Variants in DACH1 observed in about 807,000 individuals in gnomAD.
The protein encoded by DACH1 is dachshund family transcription factor 1.
DACH1 carries 12 observed loss-of-function variants against 54.2 expected under a neutral mutation model. The ratio of observed to expected loss-of-function variants is 0.22; its 90% CI spans 0.14 to 0.36. The LOEUF (loss-of-function observed/expected upper bound fraction) is 0.36. Ranked by LOEUF, DACH1 falls within the 10% of genes least tolerant of loss-of-function variation. The pLI, the probability that DACH1 is intolerant of heterozygous loss-of-function variation, is 1.00. For missense variants in DACH1, 805 were observed against 929.8 expected, an observed-to-expected ratio of 0.87 and a Z score of 1.75; for synonymous variants, 386 against 366.2, an observed-to-expected ratio of 1.05 and a Z score of -0.62.
intron 6 of DACH1, among the ~76,000 whole-genome samples, chr13:71,502,896 G>A (rs1293566711): frequency 6.6e-6 from 1 of 152,174 alleles, no homozygotes; most frequent in Non-Finnish European, 1.5e-5. Context: ...TGATAAGCTG[G>A]CATGCAACAT....
chr13:71,579,166 C>G (rs978342850), intron 3 of DACH1, among the ~76,000 whole-genome samples: 2 of 152,002 alleles, frequency 1.3e-5, no homozygotes, highest in Admixed American at 1.3e-4. Flanking sequence ...GAATGCAGAG[C>G]TGTTTTGATA....
At chr13:71,677,832 G>A (rs1880663878) in intron 2 of DACH1, among the ~76,000 whole-genome samples, 2 of 151,998 alleles carry the variant, frequency 1.3e-5, no homozygotes, top group African/African-American at 4.8e-5. Flanking sequence ...CGATTCTCCT[G>A]CCTCAGCATC....
At chr13:71,543,585 T>A (rs1168092533) in intron 6 of DACH1, among the ~76,000 whole-genome samples, 1 of 152,100 alleles carries the variant, frequency 6.6e-6, no homozygotes, top group Non-Finnish European at 1.5e-5. Context: ...ATGGGCCAAG[T>A]ACTTTTCTAA....
chr13:71,848,702 G>C (rs1006793227), intron 1 of DACH1, among the ~76,000 whole-genome samples: 3 of 151,878 alleles, frequency 2.0e-5, no homozygotes, highest in Non-Finnish European at 4.4e-5. Context: ...AAATTTTTTT[G>C]TACAGATGGG....
intron 1 of DACH1, among the ~76,000 whole-genome samples, chr13:71,819,132 T>C (rs1436207310): frequency 1.3e-5 from 2 of 152,160 alleles, no homozygotes; most frequent in Admixed American, 1.3e-4. Context: ...AATTGGAACA[T>C]GGAGCTGAAG....
chr13:71,455,287 T>A (rs1009015607), intron 10 of DACH1, among the ~76,000 whole-genome samples: 3 of 152,106 alleles, frequency 2.0e-5, no homozygotes. Flanking sequence ...CCTCTCCATA[T>A]ATAGAGATAG....
chr13:71,546,015 T>G (rs1044446423), intron 6 of DACH1, among the ~76,000 whole-genome samples: 1 of 152,072 alleles, frequency 6.6e-6, no homozygotes, highest in Non-Finnish European at 1.5e-5. Flanking sequence ...TATACAGATA[T>G]CTGAGTAGAA....
intron 2 of DACH1, among the ~76,000 whole-genome samples, chr13:71,637,042 G>A (rs1216943191): frequency 1.3e-5 from 2 of 151,884 alleles, no homozygotes; most frequent in Middle Eastern, 3.2e-3. Context: ...CTAAATTACT[G>A]ACCAGCATAG....
At chr13:71,541,189 T>C in intron 6 of DACH1, among the ~76,000 whole-genome samples, 1 of 152,158 alleles carries the variant, frequency 6.6e-6, no homozygotes, top group Non-Finnish European at 1.5e-5. Context: ...TGATTCTTTA[T>C]GGTTCTATAG....
rs561795235 is a variant in DACH1 at position 71,834,185 on chromosome 13, A to C, written c.848+31737T>G. On this transcript the variant is annotated intron_variant, in intron 1 of 10. Coordinates refer to ENST00000613252, the MANE Select transcript of DACH1 (RefSeq NM_080759.6). ...ATAAAGTTACTTCAGCAGTCAGTGC[A>C]CTTCTCAGTAATCTCTTTATCTTGT... Among the ~76,000 whole-genome samples, 4 of 152,190 alleles carry C rather than the reference A, an allele frequency of 2.6e-5. No individual in the cohort carries two copies. The East Asian group carries it at 5.8e-4, about 22-fold the overall frequency.
At chr13:71,711,550 C>T (rs1882724688) in intron 1 of DACH1, among the ~76,000 whole-genome samples, 1 of 152,146 alleles carries the variant, frequency 6.6e-6, no homozygotes, top group African/African-American at 2.4e-5. Context: ...ACATTCTACA[C>T]ATTAAATATT....
intron 1 of DACH1, among the ~76,000 whole-genome samples, chr13:71,684,184 A>T (rs1354954505): frequency 6.6e-6 from 1 of 152,098 alleles, no homozygotes; most frequent in African/African-American, 2.4e-5. Flanking sequence ...TCCAAGACAC[A>T]CATTCAATTT....
At chr13:71,834,411 A>G (rs1888704022) in intron 1 of DACH1, among the ~76,000 whole-genome samples, 1 of 152,010 alleles carries the variant, frequency 6.6e-6, no homozygotes, top group South Asian at 2.1e-4. Flanking sequence ...TTCTCATATA[A>G]CACGCCCGTG....
intron 10 of DACH1, among the ~76,000 whole-genome samples, chr13:71,442,826 C>G (rs1874127195): frequency 6.6e-6 from 1 of 151,728 alleles, no homozygotes; most frequent in Non-Finnish European, 1.5e-5. Context: ...ACAATATACT[C>G]TAATATAAGT....
intron 1 of DACH1, among the ~76,000 whole-genome samples, chr13:71,827,393 A>G (rs1321398826): frequency 6.6e-6 from 1 of 152,146 alleles, no homozygotes; most frequent in Non-Finnish European, 1.5e-5. Context: ...TTTGAAGAAT[A>G]TAGCCTTCAA....
intron 1 of DACH1, among the ~76,000 whole-genome samples, chr13:71,861,669 T>C (rs1199088029): frequency 6.6e-6 from 1 of 151,968 alleles, no homozygotes; most frequent in Non-Finnish European, 1.5e-5. Context: ...TTAGGCGTTA[T>C]TGGAAGCATT....
At chr13:71,712,459 G>C (rs1251841219) in intron 1 of DACH1, among the ~76,000 whole-genome samples, 1 of 151,952 alleles carries the variant, frequency 6.6e-6, no homozygotes, top group Non-Finnish European at 1.5e-5. Context: ...TAGGCTCAGA[G>C]GACAAAATGT....
intron 3 of DACH1, among the ~76,000 whole-genome samples, chr13:71,616,871 G>A (rs941977164): frequency 4.7e-5 from 7 of 150,534 alleles, no homozygotes; most frequent in East Asian, 1.9e-4. Context: ...ATGCAGTTTC[G>A]GGGTTCAATT....
intron 1 of DACH1, among the ~76,000 whole-genome samples, chr13:71,759,606 A>C (rs1885318238): frequency 1.3e-5 from 2 of 152,214 alleles, no homozygotes; most frequent in African/African-American, 4.8e-5. Context: ...AAAAAGCAGG[A>C]CAGCTGGAGG....
Sources: gnomAD v4.1 joint callset for allele counts (sites outside exome capture counted in the v4.1 genomes callset) on GRCh38, gnomAD v4.1.1 for gene constraint, MANE v1.5 for transcripts, NCBI Gene and HGNC (gene_info 2026-07-23, HGNC 2026-07-21) for gene names.